GABRG3: variants seen among roughly 807,000 people sequenced by gnomAD.
GABRG3 encodes gamma-aminobutyric acid type A receptor subunit gamma3, also known as gamma-aminobutyric acid receptor subunit gamma-3.
A neutral mutation model predicts 48.8 loss-of-function variants in GABRG3; 25 were observed. The observed-to-expected ratio is 0.51, with a 90% CI of 0.37 to 0.72. The LOEUF (loss-of-function observed/expected upper bound fraction) is 0.72, where lower values mean the gene tolerates loss of function less well. Among genes scored for constraint, GABRG3 ranks in the 30% least tolerant of loss-of-function variants. The pLI, the probability that GABRG3 is intolerant of heterozygous loss-of-function variation, is 0.00. For missense variants in GABRG3, 394 were observed against 577.9 expected (o/e 0.68, Z 3.26); for synonymous variants, 227 against 217.6 (o/e 1.04, Z -0.38).
intron 5 of GABRG3, among the ~76,000 whole-genome samples, chr15:27,357,989 T>C (rs1303487349): frequency 6.6e-6 from 1 of 152,236 alleles, no homozygotes. Flanking sequence ...CACAGAGTTA[T>C]GCTGATCATC....
Position 27,338,235 on chromosome 15 carries a change from T to G in GABRG3, c.574+9347T>G, listed in dbSNP as rs139385857. 5.4e-3 allele frequency among the ~76,000 whole-genome samples: 815 copies of G among 152,232 alleles called. 5 individuals are homozygous for G. The highest frequency in any genetic ancestry group is 0.019 in the African/African-American group (785 of 41,528). Reference sequence around the variant, plus strand: ...ACACATGTCCGCATCACCTGCTGCTTTTGATACTGGTACCCTAAAAGTTAT... The same window carrying G: ...ACACATGTCCGCATCACCTGCTGCTGTTGATACTGGTACCCTAAAAGTTAT... On this transcript the variant is annotated intron_variant, in intron 5 of 9. Transcript: ENST00000615808.
chr15:26,979,695 T>TTC (rs965977038), intron 2 of GABRG3, among the ~76,000 whole-genome samples: 2 of 152,242 alleles, frequency 1.3e-5, no homozygotes, highest in African/African-American at 4.8e-5. Flanking sequence ...AAATATTGAA[T>TTC]CAGTATTGCA....
At chr15:27,247,316 T>C (rs1044024922) in intron 3 of GABRG3, among the ~76,000 whole-genome samples, 1 of 152,026 alleles carries the variant, frequency 6.6e-6, no homozygotes, top group Non-Finnish European at 1.5e-5. Context: ...GGCTTAGTGC[T>C]CCTGCCACTC....
chr15:27,296,266 A>G (rs554092018), intron 3 of GABRG3, among the ~76,000 whole-genome samples: 2 of 152,320 alleles, frequency 1.3e-5, no homozygotes, highest in South Asian at 2.1e-4. Context: ...ATACTTGCAT[A>G]TTTCTTTTTC....
At chr15:27,013,669 T>C (rs913325129) in intron 2 of GABRG3, among the ~76,000 whole-genome samples, 4 of 152,094 alleles carry the variant, frequency 2.6e-5, no homozygotes, top group African/African-American at 9.6e-5. Flanking sequence ...TGAAATTCAT[T>C]TGGCTACTTT....
chr15:27,417,367 A>G (rs951475474), intron 5 of GABRG3, among the ~76,000 whole-genome samples: 3 of 152,090 alleles, frequency 2.0e-5, no homozygotes, highest in Admixed American at 1.3e-4. Context: ...TGGCCTATGT[A>G]TTTTCGATGA....
intron 5 of GABRG3, among the ~76,000 whole-genome samples, chr15:27,400,031 A>G (rs1291410264): frequency 6.6e-6 from 1 of 152,120 alleles, no homozygotes; most frequent in African/African-American, 2.4e-5. Flanking sequence ...TTTATTCTCT[A>G]TTTTCAAGGC....
intron 5 of GABRG3, among the ~76,000 whole-genome samples, chr15:27,451,727 C>A (rs1176591055): frequency 1.3e-5 from 2 of 152,088 alleles, no homozygotes; most frequent in African/African-American, 4.8e-5. Context: ...GCAAAGGAAA[C>A]AATCAACAAA....
chr15:27,106,187 C>G (rs1005895719), intron 3 of GABRG3, among the ~76,000 whole-genome samples: 1 of 151,944 alleles, frequency 6.6e-6, no homozygotes, highest in Non-Finnish European at 1.5e-5. Context: ...GTAGGATGAA[C>G]AAGTTTCTAG....
At position 27,457,488 on chromosome 15, in the gene GABRG3, T is replaced by C. The variant is rs1320136678; in HGVS notation, c.575-23162T>C. Among the ~76,000 whole-genome samples the C allele has an allele frequency of 6.6e-6, 1 of 152,220 alleles. No individual in the cohort carries two copies. The highest frequency in any genetic ancestry group is 1.5e-5 in the Non-Finnish European group (1 of 68,044). Reference sequence around the variant, plus strand: ...CATTTCTTTCTTGAGATAAACAATCTTTTAACACAGCAATGGGTCTGGGCT... The same window carrying C: ...CATTTCTTTCTTGAGATAAACAATCCTTTAACACAGCAATGGGTCTGGGCT... On this transcript the variant is annotated intron_variant, in intron 5 of 9. Coordinates refer to ENST00000615808, the MANE Select transcript of GABRG3 (RefSeq NM_033223.5). This position sits in a 1 kb window ranked among gnomAD's most constrained non-coding sequence, Gnocchi z 4.4.
chr15:27,180,632 CAT>C lies in GABRG3; in HGVS notation c.271-146176_271-146175del, dbSNP rs3068390. ...TCTAAGGTGAACTTACACATTGTGC[CAT>C]GTGTGTGTCTGTCTGTGTGTGTTTG... On this transcript the variant is annotated intron_variant, in intron 3 of 9. Transcript: ENST00000615808. The surrounding 1 kb of genome is among the most constrained non-coding windows in gnomAD (Gnocchi z 4.2). Among the ~76,000 whole-genome samples, 2,638 of 152,112 alleles carry C rather than the reference CAT, an allele frequency of 0.017. 28 individuals are homozygous for C. Among genetic ancestry groups the C allele is most frequent in the Non-Finnish European group, 0.029 (1,997 of 67,994 alleles).
At chr15:27,415,160 C>T (rs1375965255) in intron 5 of GABRG3, among the ~76,000 whole-genome samples, 1 of 152,064 alleles carries the variant, frequency 6.6e-6, no homozygotes, top group Non-Finnish European at 1.5e-5. Context: ...TCCTCATATT[C>T]CCATTATGCA....
intron 5 of GABRG3, among the ~76,000 whole-genome samples, chr15:27,468,039 A>G (rs552655152): frequency 1.3e-5 from 2 of 152,222 alleles, no homozygotes; most frequent in East Asian, 3.9e-4. Context: ...CCCATTAGTC[A>G]CTTCGGTACA....
chr15:27,342,304 C>CT (rs1894209763), intron 5 of GABRG3, among the ~76,000 whole-genome samples: 1 of 152,232 alleles, frequency 6.6e-6, no homozygotes, highest in Non-Finnish European at 1.5e-5. Flanking sequence ...AATTCAAATG[C>CT]TGGTGCAGGG....
intron 3 of GABRG3, among the ~76,000 whole-genome samples, chr15:27,303,547 A>T (rs1892285515): frequency 6.6e-6 from 1 of 151,856 alleles, no homozygotes; most frequent in South Asian, 2.1e-4. Context: ...TAAAATATTT[A>T]AAGAAATTAG....
chr15:27,417,734 G>A (rs1191447041), intron 5 of GABRG3, among the ~76,000 whole-genome samples: 4 of 152,072 alleles, frequency 2.6e-5, no homozygotes, highest in Admixed American at 1.3e-4. Flanking sequence ...TGTATTTTTC[G>A]TTTTTCCCCT....
chr15:27,086,247 G>A (rs1006956087), intron 3 of GABRG3, among the ~76,000 whole-genome samples: 1 of 152,042 alleles, frequency 6.6e-6, no homozygotes, highest in Admixed American at 6.5e-5. Context: ...AGGAGGAAGG[G>A]TCACTGGTGG....
At chr15:27,105,182 A>G (rs145326955) in intron 3 of GABRG3, among the ~76,000 whole-genome samples, 1 of 152,298 alleles carries the variant, frequency 6.6e-6, no homozygotes, top group East Asian at 1.9e-4. Flanking sequence ...ACTATTAGAG[A>G]TGAAGAGGAA....
Position 27,080,432 on chromosome 15 carries a change from C to T in GABRG3, c.270+53611C>T, listed in dbSNP as rs895268427. On this transcript the variant is annotated intron_variant, in intron 3 of 9. Coordinates refer to ENST00000615808, the MANE Select transcript of GABRG3 (RefSeq NM_033223.5). Reference sequence around the variant, plus strand: ...AGCCACTCCAGCCTGGGTGACAGAACAAGACTTCATCTCTAAAAAACCAAA... The same window carrying T: ...AGCCACTCCAGCCTGGGTGACAGAATAAGACTTCATCTCTAAAAAACCAAA... Among the ~76,000 whole-genome samples the T allele has an allele frequency of 7.4e-4, 112 of 152,110 alleles. 1 individual carries two copies. The highest frequency in any genetic ancestry group is 2.7e-3 in the African/African-American group (110 of 41,412).
Sources: gnomAD v4.1 joint callset for allele counts (sites outside exome capture counted in the v4.1 genomes callset) on GRCh38, gnomAD v4.1.1 for gene constraint, Gnocchi (gnomAD v3.1) non-coding constraint, MANE v1.5 for transcripts, NCBI Gene and HGNC (gene_info 2026-07-23, HGNC 2026-07-21) for gene names.